The following B3GLCT variants were observed in gnomAD, a reference collection of about 807,000 sequenced individuals.
B3GLCT encodes beta-1,3-glucosyltransferase.
Under a neutral mutation model 63.4 loss-of-function variants are expected in B3GLCT, and 65 were observed. The ratio of observed to expected loss-of-function variants is 1.03; its 90% CI spans 0.84 to 1.26. The LOEUF (loss-of-function observed/expected upper bound fraction) is 1.26. B3GLCT is among the 50% of genes most tolerant of loss of function. The pLI is 0.00. For missense variants in B3GLCT, 577 were observed against 604.8 expected, an observed-to-expected ratio of 0.95 and a Z score of 0.48; for synonymous variants, 233 against 219.2, an observed-to-expected ratio of 1.06 and a Z score of -0.55.
intron 4 of B3GLCT, among the ~76,000 whole-genome samples, chr13:31,242,543 C>T (rs187713662): frequency 1.5e-3 from 223 of 152,340 alleles, no homozygotes; most frequent in Middle Eastern, 6.8e-3. Context: ...CTGTTGTCAT[C>T]TCACATGAGA....
chr13:31,269,175 C>G, intron 7 of B3GLCT, 39 bp from the exon 8 acceptor site: 1 of 1,430,302 alleles, frequency 7.0e-7, no homozygotes, highest in Non-Finnish European at 9.8e-7. Flanking sequence ...CTTGACACTT[C>G]TTTTGGTTAA....
intron 9 of B3GLCT, 132 bp downstream of exon 9, chr13:31,274,760 T>C: frequency 8.8e-7 from 1 of 1,137,618 alleles, no homozygotes; most frequent in South Asian, 1.3e-5. Flanking sequence ...TAAGGGTATA[T>C]TGTGTGATGC....
At chr13:31,209,980 C>T (rs777088407) in intron 1 of B3GLCT, among the ~76,000 whole-genome samples, 1 of 152,182 alleles carries the variant, frequency 6.6e-6, no homozygotes, top group Non-Finnish European at 1.5e-5. Flanking sequence ...TGCTCCCTCA[C>T]AGGAACAGGG....
At chr13:31,299,184 G>A (rs1874102346) in intron 12 of B3GLCT, among the ~76,000 whole-genome samples, 1 of 152,158 alleles carries the variant, frequency 6.6e-6, no homozygotes, top group Admixed American at 6.5e-5. Context: ...CTCATGTTGA[G>A]TATGAGCACA....
intron 12 of B3GLCT, among the ~76,000 whole-genome samples, chr13:31,289,304 C>A (rs939717209): frequency 1.3e-5 from 2 of 151,966 alleles, no homozygotes; most frequent in African/African-American, 2.4e-5. Context: ...GAAGAGAGAT[C>A]AAAAACTTTA....
At chr13:31,322,299 C>T (rs1374705941) in intron 13 of B3GLCT, among the ~76,000 whole-genome samples, 1 of 152,248 alleles carries the variant, frequency 6.6e-6, no homozygotes, top group Non-Finnish European at 1.5e-5. Flanking sequence ...CCAGGAAGGG[C>T]AGGCATGTTT....
chr13:31,208,044 C>T lies in B3GLCT; in HGVS notation c.71-7007C>T, dbSNP rs183497165. On this transcript the variant is annotated intron_variant, in intron 1 of 14. Coordinates refer to ENST00000343307, the MANE Select transcript of B3GLCT (RefSeq NM_194318.4). Reference sequence around the variant, plus strand: ...GAGAGGTTGCTTAACTATTAAGTGGCAGCGCTCGGATTTGAACCTAGGAGG... The same window carrying T: ...GAGAGGTTGCTTAACTATTAAGTGGTAGCGCTCGGATTTGAACCTAGGAGG... Among the ~76,000 whole-genome samples the T allele has an allele frequency of 2.3e-3, 349 of 152,078 alleles. 1 individual carries two copies. In the Middle Eastern group the frequency reaches 0.041, roughly 18 times the overall value.
chr13:31,261,075 G>GTT lies in B3GLCT; in HGVS notation c.590_591insTT (p.Asn198Ter), dbSNP rs1566068313. 6.3e-7 allele frequency: 1 copy of GTT among 1,580,306 alleles called. No individual in the cohort carries two copies. The highest frequency in any genetic ancestry group is 8.7e-7 in the Non-Finnish European group (1 of 1,155,612). The stretch of plus-strand genomic sequence containing the variant: ...AGGCTGGGCCTTAAGTATTCCACTT[G>GTT]TAAACAAGTAAGAATTTATTGGAAT... On this transcript the variant is annotated frameshift_variant, in exon 7 of 15. Transcript: ENST00000343307. LOFTEE classifies it high-confidence loss of function.
chr13:31,295,571 G>A (rs192224119), intron 12 of B3GLCT, among the ~76,000 whole-genome samples: 5 of 152,184 alleles, frequency 3.3e-5, no homozygotes, highest in African/African-American at 9.7e-5. Context: ...AGCTGTGGTG[G>A]CCTCCACCCA....
chr13:31,292,728 CA>C (rs1873736452), intron 12 of B3GLCT, among the ~76,000 whole-genome samples: 1 of 149,834 alleles, frequency 6.7e-6, no homozygotes, highest in African/African-American at 2.4e-5. Flanking sequence ...GTCTAGCTAG[CA>C]GTCAATTTTG....
Position 31,222,987 on chromosome 13 carries a change from CATAG to C in B3GLCT, c.157_160del (p.Ile53ThrfsTer2). On this transcript the variant is annotated frameshift_variant and splice_region_variant, in exon 3 of 15. Coordinates refer to ENST00000343307, the MANE Select transcript of B3GLCT (RefSeq NM_194318.4). LOFTEE classifies it high-confidence loss of function. ...AAAGTGGTATATCAAGGAAAAATGA[CATAG>C]GTAAGTAATGATTTTTTTTACCTAA... The C allele has an allele frequency of 6.7e-7, 1 of 1,502,146 alleles. No homozygotes were observed. The highest frequency in any genetic ancestry group is 9.3e-7 in the Non-Finnish European group (1 of 1,079,034). The allele number at this position is 1,502,146 out of a possible 1,614,324, so 93.1% of individuals were successfully genotyped here. A position where few individuals can be genotyped will look rare whatever the true frequency, so the allele number is the denominator to read the frequency against.
At chr13:31,243,303 C>A (rs905370817) in intron 4 of B3GLCT, among the ~76,000 whole-genome samples, 3 of 152,108 alleles carry the variant, frequency 2.0e-5, no homozygotes, top group African/African-American at 7.2e-5. Flanking sequence ...AAATTAAGGA[C>A]AAATGACAAA....
chr13:31,200,151 C>G lies in B3GLCT; in HGVS notation c.67C>G (p.Leu23Val), dbSNP rs1405560474. Residue 23 changes from leucine (L) to valine (V), a missense_variant, in exon 1 of 15, where the codon CTG becomes GTG. Physicochemically the swap from Leu to Val is conservative, Grantham distance 32. Coordinates refer to ENST00000343307, the MANE Select transcript of B3GLCT (RefSeq NM_194318.4). The stretch of plus-strand genomic sequence containing the variant: ...GCTGCTCGCGCTCCTCACCTGCTCC[C>G]TGGGTAAGTAGCGGGCGGCCAGGCG... ...PALLALLTCS[L>V]AFGLASEDTK... is the part of the protein sequence containing the mutation. 7.4e-7 allele frequency: 1 copy of G among 1,345,596 alleles called. No homozygotes were observed. Among genetic ancestry groups the G allele is most frequent in the Non-Finnish European group, 9.6e-7 (1 of 1,038,118 alleles). The allele number at this position is 1,345,596 out of a possible 1,614,324, so 83.4% of individuals were successfully genotyped here. A position where few individuals can be genotyped will look rare whatever the true frequency, so the allele number is the denominator to read the frequency against.
chr13:31,320,369 C>G (rs150178753), intron 13 of B3GLCT, among the ~76,000 whole-genome samples: 4 of 152,310 alleles, frequency 2.6e-5, no homozygotes, highest in African/African-American at 9.6e-5. Flanking sequence ...GAGGCCACTG[C>G]TTTGGGCCCG....
chr13:31,259,276 C>T (rs531492943), intron 6 of B3GLCT, among the ~76,000 whole-genome samples: 6 of 152,108 alleles, frequency 3.9e-5, no homozygotes, highest in Non-Finnish European at 8.8e-5. Context: ...GGTCTTGTTT[C>T]TTGCTCTGCT....
chr13:31,226,585 G>A (rs1028986575), intron 3 of B3GLCT, among the ~76,000 whole-genome samples: 1 of 152,062 alleles, frequency 6.6e-6, no homozygotes, highest in African/African-American at 2.4e-5. Context: ...GTGAGCGCAG[G>A]ATTAAGCTTT....
chr13:31,277,916 C>CTGATTTAT (rs1254233073), intron 10 of B3GLCT, among the ~76,000 whole-genome samples: 1 of 152,032 alleles, frequency 6.6e-6, no homozygotes, highest in Non-Finnish European at 1.5e-5. Flanking sequence ...ATCAGTATAG[C>CTGATTTAT]AGTTAAAATA....
intron 10 of B3GLCT, among the ~76,000 whole-genome samples, chr13:31,279,206 A>G (rs989606570): frequency 3.3e-5 from 5 of 152,146 alleles, no homozygotes; most frequent in East Asian, 1.9e-4. Context: ...TAAAATACAA[A>G]TCGAGCTGAG....
chr13:31,258,104 A>T (rs1038671482), intron 6 of B3GLCT, among the ~76,000 whole-genome samples: 11 of 152,226 alleles, frequency 7.2e-5, no homozygotes, highest in African/African-American at 2.4e-4. Flanking sequence ...GGAATACCTC[A>T]TTCATCAGGT....
Sources: allele counts gnomAD v4.1 joint callset (sites outside exome capture counted in the v4.1 genomes callset), GRCh38; gene constraint gnomAD v4.1.1; transcripts MANE v1.5; gene names NCBI Gene and HGNC (gene_info 2026-07-23, HGNC 2026-07-21).